SMU1: variants seen among roughly 807,000 people sequenced by gnomAD.
SMU1 encodes the protein WD40 repeat-containing protein SMU1.
Under a neutral mutation model 62.0 loss-of-function variants are expected in SMU1, and 2 were observed. The observed-to-expected ratio is 0.03, with a 90% CI of 0.01 to 0.10. The LOEUF is 0.10. SMU1 is among the 10% of genes least tolerant of loss of function. SMU1 has a pLI of 1.00. For synonymous variants in SMU1, 188 were observed against 212.4 expected (o/e 0.89, Z 1.00); for missense variants, 227 against 622.1 (o/e 0.36, Z 6.76).
intron 3 of SMU1, among the ~76,000 whole-genome samples, chr9:33,071,044 C>T (rs1839480193): frequency 6.6e-6 from 1 of 152,144 alleles, no homozygotes; most frequent in African/African-American, 2.4e-5. Flanking sequence ...ACAAAGGATA[C>T]ATGCTTGAGG....
chr9:33,053,336 A>C (rs2119426438), intron 9 of SMU1, 46 bp from the exon 10 acceptor site: 1 of 1,563,188 alleles, frequency 6.4e-7, no homozygotes, highest in Non-Finnish European at 8.7e-7. Context: ...AGGTATAAAA[A>C]TTTCTAAAGT....
chr9:33,048,534 A>C (rs10971365), intron 10 of SMU1, among the ~76,000 whole-genome samples: 14,060 of 152,184 alleles, frequency 0.092, 842 homozygotes, highest in East Asian at 0.3. Context: ...CCCTTAAGCA[A>C]ATTTCATTGC....
At chr9:33,061,513 T>TA (rs1400760467) in intron 5 of SMU1, among the ~76,000 whole-genome samples, 6 of 151,988 alleles carry the variant, frequency 3.9e-5, no homozygotes, top group African/African-American at 1.4e-4. Context: ...AAGTAGCAAA[T>TA]ACACTTGTAA....
chr9:33,049,377 C>T (rs1447780021), intron 10 of SMU1, among the ~76,000 whole-genome samples: 1 of 152,196 alleles, frequency 6.6e-6, no homozygotes, highest in African/African-American at 2.4e-5. Flanking sequence ...TAATTCGACA[C>T]TTACATGCAA....
chr9:33,047,420 T>C, intron 11 of SMU1, 29 bp from the exon 12 acceptor site: 2 of 1,580,318 alleles, frequency 1.3e-6, no homozygotes, highest in South Asian at 1.1e-5. Flanking sequence ...AGGGTTAGGA[T>C]GTACAGATCT....
At chr9:33,058,848 T>C (rs899163534) in intron 6 of SMU1, among the ~76,000 whole-genome samples, 6 of 152,098 alleles carry the variant, frequency 3.9e-5, no homozygotes, top group African/African-American at 1.4e-4. Context: ...AATCAAGAGA[T>C]AAAAGTCAAA....
chr9:33,063,281 G>A (rs1839383214), intron 4 of SMU1, among the ~76,000 whole-genome samples: 1 of 152,020 alleles, frequency 6.6e-6, no homozygotes, highest in South Asian at 2.1e-4. Flanking sequence ...AAAATTGCTT[G>A]AACCCGGGAC....
At chr9:33,075,603 A>ATGTAT (rs1839537059) in intron 1 of SMU1, among the ~76,000 whole-genome samples, 1 of 152,160 alleles carries the variant, frequency 6.6e-6, no homozygotes, top group Non-Finnish European at 1.5e-5. Context: ...CCTACCTTCA[A>ATGTAT]ACAGAAATGA....
intron 2 of SMU1, among the ~76,000 whole-genome samples, chr9:33,072,997 C>G (rs1839504811): frequency 6.6e-6 from 1 of 152,090 alleles, no homozygotes; most frequent in Non-Finnish European, 1.5e-5. Flanking sequence ...TGGAATTTGA[C>G]CAGTGATAGG....
rs185721537 is a variant in SMU1 at position 33,070,218 on chromosome 9, G to T, written c.391-1284C>A. Among the ~76,000 whole-genome samples, 29 of 152,284 alleles carry T rather than the reference G, an allele frequency of 1.9e-4. No individual in the cohort carries two copies. In the East Asian group the frequency reaches 2.5e-3, roughly 13 times the overall value. ...TGATAATCCAATGTTAAAAATGGGT[G>T]AAAGATCTGAATAGACATTTCTCAA... is the stretch of plus-strand genomic sequence containing the variant. On this transcript the variant is annotated intron_variant, in intron 3 of 11. Transcript: ENST00000397149.
chr9:33,049,477 A>G (rs1839219644), intron 10 of SMU1, among the ~76,000 whole-genome samples: 1 of 152,250 alleles, frequency 6.6e-6, no homozygotes, highest in South Asian at 2.1e-4. Flanking sequence ...TGTAAAACTC[A>G]AAACTGTATT....
chr9:33,059,629 G>T (rs1169321030), intron 6 of SMU1, among the ~76,000 whole-genome samples: 2 of 147,768 alleles, frequency 1.4e-5, no homozygotes, highest in South Asian at 2.3e-4. Flanking sequence ...CCCCGAGATG[G>T]AGTTTCGCTC....
At chr9:33,053,806 A>G (rs2119427139) in intron 9 of SMU1, among the ~76,000 whole-genome samples, 1 of 152,346 alleles carries the variant, frequency 6.6e-6, no homozygotes, top group Middle Eastern at 3.4e-3. Context: ...AGCATTCATC[A>G]TGTATTTGTT....
rs1839205891 is a variant in SMU1, at chr9:33,048,109, C to T, written c.1440G>A (p.Leu480=). 7 of 1,613,810 alleles carry T rather than the reference C, an allele frequency of 4.3e-6. No homozygotes were observed. Among genetic ancestry groups the T allele is most frequent in the African/African-American group, 1.3e-5 (1 of 75,026 alleles). The change falls in exon 11 of 12, where the codon TTG becomes TTA. Residue 480 remains leucine, a synonymous_variant. Transcript: ENST00000397149. ...GAACTTAGTAAGTAATACTCACTGT[C>T]AAAGTTCTCTCCAGTTTGCCAGTGA... ...STVTGKLERT[L]TVHEKDVIGI... is the part of the protein sequence containing the mutation.
At position 33,044,512 on chromosome 9, in the gene SMU1, T is replaced by C. The variant is rs1254448421; in HGVS notation, c.*2781A>G. ...CGGCCCGACCCCGCCGCGGTCTGGC[T>C]GTAAGGGCGCTGGAGGGGAGCTGGG... On this transcript the variant is annotated 3_prime_UTR_variant, in exon 12 of 12. Coordinates refer to ENST00000397149, the MANE Select transcript of SMU1 (RefSeq NM_018225.3). The C allele has an allele frequency of 2.6e-5, 4 of 152,250 alleles. No homozygotes were observed. The highest frequency in any genetic ancestry group is 6.5e-5 in the Admixed American group (1 of 15,288). 9.4% of individuals were successfully genotyped at this position (152,250 alleles called of 1,614,324 possible).
chr9:33,054,087 C>A (rs1839279274), intron 9 of SMU1, among the ~76,000 whole-genome samples: 1 of 152,080 alleles, frequency 6.6e-6, no homozygotes, highest in African/African-American at 2.4e-5. Context: ...GAGTTCAAGA[C>A]CAGCCTGGGC....
At chr9:33,069,904 C>A (rs540851919) in intron 3 of SMU1, among the ~76,000 whole-genome samples, 128 of 152,192 alleles carry the variant, frequency 8.4e-4, no homozygotes, top group African/African-American at 3.0e-3. Flanking sequence ...GGCGGGTGGA[C>A]TGCTTGAGGC....
Position 33,051,105 on chromosome 9 carries a change from A to AAG in SMU1, c.1290+2017_1290+2018insCT, listed in dbSNP as rs1209255218. Among the ~76,000 whole-genome samples the AAG allele has an allele frequency of 8.0e-3, 571 of 71,036 alleles. 107 individuals carry two copies. Among genetic ancestry groups the AAG allele is most frequent in the Non-Finnish European group, 9.4e-3 (268 of 28,402 alleles). 46.6% of individuals were successfully genotyped at this position (71,036 alleles called of 152,430 possible). A position where few individuals can be genotyped will look rare whatever the true frequency, so the allele number is the denominator to read the frequency against. On this transcript the variant is annotated intron_variant, in intron 10 of 11. Coordinates refer to ENST00000397149, the MANE Select transcript of SMU1 (RefSeq NM_018225.3). The stretch of plus-strand genomic sequence containing the variant: ...CACTGCACTCCAGCCTGGGCGACAG[A>AAG]GCGAGACTCTGTCTCAAAAAAAAAA...
intron 4 of SMU1, 37 bp downstream of exon 4, chr9:33,068,787 G>C (rs1360002107): frequency 1.2e-6 from 2 of 1,607,950 alleles, no homozygotes; most frequent in South Asian, 1.1e-5. Context: ...TGACAGGTGT[G>C]AGCCACCACA....
Sources: allele counts gnomAD v4.1 joint callset (sites outside exome capture counted in the v4.1 genomes callset), GRCh38; gene constraint gnomAD v4.1.1; transcripts MANE v1.5; gene names NCBI Gene and HGNC (gene_info 2026-07-23, HGNC 2026-07-21).